The following ZNF500 variants were observed in gnomAD, a reference collection of about 807,000 sequenced individuals.
ZNF500 encodes the protein zinc finger protein with KRAB and SCAN domains 18.
In ZNF500, 31 loss-of-function variants were observed where a neutral mutation model predicts 30.1. The ratio of observed to expected loss-of-function variants is 1.03; its 90% confidence interval spans 0.77 to 1.39. The LOEUF (loss-of-function observed/expected upper bound fraction) is 1.39. Among genes scored for constraint, ZNF500 ranks in the 40% most tolerant of loss-of-function variants. ZNF500 has a pLI of 0.00. For synonymous variants in ZNF500, 392 were observed against 282.0 expected (o/e 1.39, Z -3.91); for missense variants, 817 against 657.8 (o/e 1.24, Z -2.65).
intron 4 of ZNF500, 65 bp from the exon 5 acceptor site, chr16:4,760,653 C>G: frequency 2.0e-6 from 3 of 1,467,720 alleles, no homozygotes; most frequent in Non-Finnish European, 2.8e-6. Context: ...ACTAAGGCCA[C>G]TGGCCCAGGG....
chr16:4,760,196 T>G (rs1365238305), intron 5 of ZNF500, among the ~76,000 whole-genome samples: 2 of 151,978 alleles, frequency 1.3e-5, no homozygotes, highest in African/African-American at 4.8e-5. Context: ...CCAGGTCCTG[T>G]GGGAGCAGCT....
At chr16:4,763,500 G>A (rs1337836273) in intron 2 of ZNF500, 20 of 958,728 alleles carry the variant, frequency 2.1e-5, no homozygotes, top group Non-Finnish European at 2.5e-5. Flanking sequence ...ATGAAATTGG[G>A]TCTTAGAATT....
At chr16:4,759,067 G>A (rs1318353781) in intron 5 of ZNF500, among the ~76,000 whole-genome samples, 2 of 139,910 alleles carry the variant, frequency 1.4e-5, no homozygotes, top group African/African-American at 5.4e-5. Flanking sequence ...AAATTAGCCG[G>A]GTATGGTGGC....
At chr16:4,760,191 T>C (rs189032909) in intron 5 of ZNF500, among the ~76,000 whole-genome samples, 24 of 152,142 alleles carry the variant, frequency 1.6e-4, no homozygotes, top group African/African-American at 5.3e-4. Context: ...GAGAACCAGG[T>C]CCTGTGGGAG....
Position 4,765,553 on chromosome 16 carries a change from G to A in ZNF500, c.414+12C>T, listed in dbSNP as rs375706825. ...CATTTCCTCACCTGAGGGTCAAAATGCCCCCACTCACCCGCTGCCTGTGTT... is the reference window on the plus strand; with the variant it reads ...CATTTCCTCACCTGAGGGTCAAAATACCCCCACTCACCCGCTGCCTGTGTT... On this transcript the variant is annotated intron_variant, in intron 2 of 5. Transcript: ENST00000219478. 3.2e-6 allele frequency: 5 copies of A among 1,569,964 alleles called. No individual in the cohort carries two copies. The highest frequency in any genetic ancestry group is 1.4e-5 in the African/African-American group (1 of 73,984).
Position 4,751,988 on chromosome 16 carries a change from G to T in ZNF500, c.*388C>A. The T allele has an allele frequency of 1.1e-6, 1 of 949,980 alleles. No individual in the cohort carries two copies. The highest frequency in any genetic ancestry group is 1.4e-6 in the Non-Finnish European group (1 of 715,848). 58.8% of individuals were successfully genotyped at this position (949,980 alleles called of 1,614,324 possible). On this transcript the variant is annotated 3_prime_UTR_variant, in exon 6 of 6. Transcript: ENST00000219478. Reference sequence around the variant, plus strand: ...GTCACAGACACACAGGAGAGGGGTTGGGACGTGGGGATGAGGCTGTATGCC... The same window carrying T: ...GTCACAGACACACAGGAGAGGGGTTTGGACGTGGGGATGAGGCTGTATGCC...
downstream of ZNF500, chr16:4,746,520 G>A (rs545045989): frequency 4.3e-6 from 7 of 1,612,176 alleles, 1 homozygote; most frequent in South Asian, 4.4e-5. Context: ...AAGGTCCGGA[G>A]GGCAGTGACT....
intron 2 of ZNF500, 66 bp downstream of exon 2, chr16:4,765,499 T>C: frequency 6.6e-7 from 1 of 1,519,420 alleles, no homozygotes; most frequent in Non-Finnish European, 8.8e-7. Flanking sequence ...CCAAGGAATC[T>C]GCAGCTGCAG....
intron 5 of ZNF500, among the ~76,000 whole-genome samples, chr16:4,757,601 G>A (rs1291679811): frequency 2.0e-5 from 3 of 150,322 alleles, no homozygotes; most frequent in African/African-American, 7.3e-5. Flanking sequence ...TGCCCGGCCC[G>A]TTTTTGTTTT....
chr16:4,751,674 G>A lies in ZNF500; in HGVS notation c.*702C>T, dbSNP rs547574111. 5.5e-5 allele frequency: 84 copies of A among 1,521,636 alleles called. 1 individual carries two copies. In the South Asian group the frequency reaches 8.6e-4, roughly 16 times the overall value. 94.3% of individuals were successfully genotyped at this position (1,521,636 alleles called of 1,614,324 possible). A position where few individuals can be genotyped will look rare whatever the true frequency, so the allele number is the denominator to read the frequency against. On this transcript the variant is annotated 3_prime_UTR_variant, in exon 6 of 6. Transcript: ENST00000219478. Reference sequence around the variant, plus strand: ...AGAATGTGACCTTATTTGGAAACACGGGTTTTGATGATATAATTAGTTAAG... The same window carrying A: ...AGAATGTGACCTTATTTGGAAACACAGGTTTTGATGATATAATTAGTTAAG...
intron 5 of ZNF500, among the ~76,000 whole-genome samples, chr16:4,759,152 G>A (rs1172567222): frequency 6.6e-6 from 1 of 151,550 alleles, no homozygotes; most frequent in Non-Finnish European, 1.5e-5. Context: ...GGAGGTTGCA[G>A]TGAGCTGAGC....
In ZNF500 at chr16:4,751,605, G is replaced by A. The variant is rs2082078461; in HGVS notation, c.*771C>T. ...AGGCTGGGGTACAGCAGGGCTCCCTGCAGCAGACGAGGGGTCCCTCAAATT... is the reference window on the plus strand; with the variant it reads ...AGGCTGGGGTACAGCAGGGCTCCCTACAGCAGACGAGGGGTCCCTCAAATT... On this transcript the variant is annotated 3_prime_UTR_variant, in exon 6 of 6. Coordinates refer to ENST00000219478, the MANE Select transcript of ZNF500 (RefSeq NM_021646.4). The A allele has an allele frequency of 6.5e-7, 1 of 1,535,282 alleles. No individual in the cohort carries two copies. The highest frequency in any genetic ancestry group is 8.7e-7 in the Non-Finnish European group (1 of 1,146,728).
chr16:4,762,691 C>T lies in ZNF500; in HGVS notation c.480G>A (p.Gln160=), dbSNP rs1198804278. 17 of 1,614,118 alleles carry T rather than the reference C, an allele frequency of 1.1e-5. No individual in the cohort carries two copies. The East Asian group carries it at 3.6e-4, about 34-fold the overall frequency. ...ACAGATCCTCTGGCTGAGCCTCTGC[C>T]TGGTGTTTTAAGAACTGTCCCCCTA... ...LGIGGQFLKH[Q]AEAQPEDLSL... Residue 160 remains glutamine (Q), a synonymous_variant, in exon 3 of 6, where the codon CAG becomes CAA. Transcript: ENST00000219478.
intron 5 of ZNF500, among the ~76,000 whole-genome samples, chr16:4,759,446 C>A (rs1026990258): frequency 6.6e-6 from 1 of 152,074 alleles, no homozygotes; most frequent in Non-Finnish European, 1.5e-5. Flanking sequence ...ACTTGTACAC[C>A]CACGTTCACT....
At chr16:4,757,530 A>T (rs2082149133) in intron 5 of ZNF500, among the ~76,000 whole-genome samples, 1 of 151,682 alleles carries the variant, frequency 6.6e-6, no homozygotes, top group African/African-American at 2.4e-5. Context: ...GAACTCCTGG[A>T]CTCGAGCAAT....
chr16:4,744,817 G>GT, downstream of ZNF500: 1 of 1,571,876 alleles, frequency 6.4e-7, no homozygotes, highest in Non-Finnish European at 8.7e-7. Context: ...GCTGCTGTAA[G>GT]TCACAAGTGG....
At chr16:4,757,256 G>A (rs938782927) in intron 5 of ZNF500, among the ~76,000 whole-genome samples, 7 of 152,188 alleles carry the variant, frequency 4.6e-5, no homozygotes, top group African/African-American at 1.4e-4. Flanking sequence ...GGACCCGAAC[G>A]GGTTGCCCGT....
downstream of ZNF500, among the ~76,000 whole-genome samples, chr16:4,745,952 C>CAA (rs58259917): frequency 0.012 from 1,360 of 113,162 alleles, 18 homozygotes; most frequent in Middle Eastern, 0.023. Context: ...GACTCTGTCT[C>CAA]AAAAAAAAAA....
At chr16:4,766,680 G>A (rs560268240) in intron 1 of ZNF500, among the ~76,000 whole-genome samples, 12 of 152,198 alleles carry the variant, frequency 7.9e-5, no homozygotes, top group Admixed American at 2.0e-4. Context: ...TCCATGATTA[G>A]AGTGGGTCCT....
Sources: gnomAD v4.1 joint callset for allele counts (sites outside exome capture counted in the v4.1 genomes callset) on GRCh38, gnomAD v4.1.1 for gene constraint, MANE v1.5 for transcripts, NCBI Gene and HGNC (gene_info 2026-07-23, HGNC 2026-07-21) for gene names.